The following PDE1C variants were observed in gnomAD, a reference collection of about 807,000 sequenced individuals.
PDE1C encodes phosphodiesterase 1C.
PDE1C carries 62 observed loss-of-function variants against 93.1 expected under a neutral mutation model. That is an observed-to-expected ratio of 0.67 (90% CI 0.54 to 0.82). The LOEUF (loss-of-function observed/expected upper bound fraction) is 0.82. Among genes scored for constraint, PDE1C ranks in the 40% least tolerant of loss-of-function variants. The probability of loss-of-function intolerance (pLI) is 0.00; values close to 1 mark genes in which losing one functional copy is unlikely to be tolerated. For missense variants in PDE1C, 742 were observed against 884.6 expected, an observed-to-expected ratio of 0.84 and a Z score of 2.04; for synonymous variants, 325 against 310.1, an observed-to-expected ratio of 1.05 and a Z score of -0.50.
intron 3 of PDE1C, among the ~76,000 whole-genome samples, chr7:32,091,307 C>A (rs1051013152): frequency 6.6e-6 from 1 of 152,162 alleles, no homozygotes; most frequent in Non-Finnish European, 1.5e-5. Context: ...TAGATGTAAT[C>A]TTCTCTGAGA....
chr7:32,308,137 C>T (rs533423125), intron 1 of PDE1C, among the ~76,000 whole-genome samples: 1 of 152,336 alleles, frequency 6.6e-6, no homozygotes, highest in African/African-American at 2.4e-5. Flanking sequence ...ATTGCTAGCA[C>T]AGCAACAGTC....
chr7:32,133,816 A>G (rs956732924), intron 3 of PDE1C, among the ~76,000 whole-genome samples: 6 of 152,162 alleles, frequency 3.9e-5, no homozygotes, highest in Non-Finnish European at 5.9e-5. Context: ...TCTTAACCCA[A>G]ATATCATAAT....
At chr7:32,363,428 G>A (rs1307066038) in intron 1 of PDE1C, among the ~76,000 whole-genome samples, 1 of 152,210 alleles carries the variant, frequency 6.6e-6, no homozygotes, top group Admixed American at 6.5e-5. Context: ...CTTCTACAAA[G>A]CCTTGCGTTA....
chr7:31,749,510 T>C (rs1794075818), downstream of PDE1C, among the ~76,000 whole-genome samples: 1 of 151,994 alleles, frequency 6.6e-6, no homozygotes, highest in Non-Finnish European at 1.5e-5. Context: ...AAATATGTGG[T>C]GCTGAAAAAA....
chr7:32,100,305 G>A (rs1224398701), intron 3 of PDE1C, among the ~76,000 whole-genome samples: 1 of 152,188 alleles, frequency 6.6e-6, no homozygotes. Context: ...ATTCTGCTAT[G>A]CTTGAGAGAA....
Position 32,119,393 on chromosome 7 carries a change from G to A in PDE1C, c.308+50392C>T, listed in dbSNP as rs32294. 5.4e-3 allele frequency among the ~76,000 whole-genome samples: 817 copies of A among 152,298 alleles called. 5 individuals carry two copies. The highest frequency in any genetic ancestry group is 0.018 in the African/African-American group (767 of 41,562). On this transcript the variant is annotated intron_variant, in intron 3 of 18. Transcript: ENST00000396193. ...GGTCTCAGGAAAGCAACAGCTTCAT[G>A]GGAAATGTCCTAGTTTCCATAATAG...
intron 2 of PDE1C, among the ~76,000 whole-genome samples, chr7:31,916,954 T>C (rs1413874303): frequency 6.6e-6 from 1 of 152,176 alleles, no homozygotes. Flanking sequence ...ATTGCTATTC[T>C]TCTATCAATC....
At chr7:32,389,157 C>CGTGTGTGTGT (rs575896243) in intron 1 of PDE1C, among the ~76,000 whole-genome samples, 29,954 of 134,434 alleles carry the variant, frequency 0.22, 3,911 homozygotes, top group Admixed American at 0.28. Flanking sequence ...TGATAGCTGA[C>CGTGTGTGTGT]GTGTGTGTGT....
At position 32,103,887 on chromosome 7, in the gene PDE1C, G is replaced by A. The variant is rs933588477; in HGVS notation, c.308+65898C>T. On this transcript the variant is annotated intron_variant, in intron 3 of 18. Transcript: ENST00000396193. ...ATGCTACCCAAATAATAGGAGAAGA[G>A]AATGAGAGAGCTATTAGAAACGAAA... is the stretch of plus-strand genomic sequence containing the variant. Among the ~76,000 whole-genome samples, 10 of 152,128 alleles carry A rather than the reference G, an allele frequency of 6.6e-5. 1 individual carries two copies. The highest frequency in any genetic ancestry group is 5.9e-4 in the Admixed American group (9 of 15,284).
chr7:32,132,149 T>C (rs969505085), intron 3 of PDE1C, among the ~76,000 whole-genome samples: 2 of 151,942 alleles, frequency 1.3e-5, no homozygotes, highest in African/African-American at 4.8e-5. Flanking sequence ...AAAGATTAAA[T>C]GTAAGGCTTT....
intron 16 of PDE1C, among the ~76,000 whole-genome samples, chr7:31,801,858 C>A (rs1019016173): frequency 4.0e-5 from 6 of 151,204 alleles, no homozygotes; most frequent in African/African-American, 1.5e-4. Flanking sequence ...TACTTTTGTG[C>A]TGTTTGTGTC....
the PDE1C span, among the ~76,000 whole-genome samples, chr7:31,726,063 T>C: frequency 1.3e-5 from 2 of 152,230 alleles, no homozygotes; most frequent in African/African-American, 4.8e-5. Context: ...TTAAAAATAA[T>C]ACTCTTTTTG....
At chr7:32,101,870 G>A (rs1798055914) in intron 3 of PDE1C, among the ~76,000 whole-genome samples, 1 of 152,144 alleles carries the variant, frequency 6.6e-6, no homozygotes, top group South Asian at 2.1e-4. Context: ...GGGGGCCTCA[G>A]GAAAGTTACA....
intron 1 of PDE1C, among the ~76,000 whole-genome samples, chr7:32,414,360 C>T (rs112455354): frequency 0.046 from 6,941 of 151,640 alleles, 559 homozygotes; most frequent in African/African-American, 0.16. Flanking sequence ...AAAAACATTA[C>T]ATTATAAAAT....
intron 3 of PDE1C, among the ~76,000 whole-genome samples, chr7:32,152,815 G>A (rs1801337692): frequency 6.6e-6 from 1 of 152,016 alleles, no homozygotes; most frequent in African/African-American, 2.4e-5. Context: ...AAATGACTAA[G>A]GTAAAATGAT....
At chr7:32,194,228 A>G (rs1804449673) in intron 2 of PDE1C, among the ~76,000 whole-genome samples, 1 of 152,144 alleles carries the variant, frequency 6.6e-6, no homozygotes, top group Non-Finnish European at 1.5e-5. Flanking sequence ...TTTTTAAGAA[A>G]ATAGCCCATT....
intron 2 of PDE1C, among the ~76,000 whole-genome samples, chr7:31,908,318 T>C (rs1800837244): frequency 6.6e-6 from 1 of 152,180 alleles, no homozygotes; most frequent in African/African-American, 2.4e-5. Flanking sequence ...TTCTCTTTTA[T>C]TGCATCATTT....
At chr7:32,337,143 C>T (rs1020190182) in intron 1 of PDE1C, among the ~76,000 whole-genome samples, 1 of 152,118 alleles carries the variant, frequency 6.6e-6, no homozygotes, top group East Asian at 1.9e-4. Flanking sequence ...CTCCTCCCTT[C>T]CAAGCCACCC....
At chr7:31,806,668 G>T (rs1369000932) in intron 16 of PDE1C, among the ~76,000 whole-genome samples, 3 of 151,844 alleles carry the variant, frequency 2.0e-5, no homozygotes, top group Admixed American at 2.0e-4. Context: ...GGGAGTTTGG[G>T]AATAGCCAAC....
Sources: gnomAD v4.1 joint callset for allele counts (sites outside exome capture counted in the v4.1 genomes callset) on GRCh38, gnomAD v4.1.1 for gene constraint, MANE v1.5 for transcripts, NCBI Gene and HGNC (gene_info 2026-07-23, HGNC 2026-07-21) for gene names.